The following PRRG2 variants were observed in gnomAD, a reference collection of about 807,000 sequenced individuals.
PRRG2 encodes the protein proline rich and Gla domain 2.
In PRRG2, 23 loss-of-function variants were observed where a neutral mutation model predicts 27.1. The observed-to-expected ratio is 0.85, with a 90% CI of 0.61 to 1.20. The LOEUF (loss-of-function observed/expected upper bound fraction) is 1.20. Ranked by LOEUF, PRRG2 falls within the 50% of genes most tolerant of loss-of-function variation. PRRG2 has a pLI of 0.00. For synonymous variants in PRRG2, 104 were observed against 103.4 expected (o/e 1.01, Z -0.03); for missense variants, 276 against 254.8 (o/e 1.08, Z -0.57).
intron 2 of PRRG2, 30 bp downstream of exon 2, chr19:49,583,334 C>T: frequency 6.2e-7 from 1 of 1,607,462 alleles, no homozygotes; most frequent in East Asian, 2.2e-5. Flanking sequence ...GGCATCCAGA[C>T]ACTTGGCGTT....
chr19:49,586,089 A>AG (rs2080667127), intron 4 of PRRG2, among the ~76,000 whole-genome samples: 1 of 151,182 alleles, frequency 6.6e-6, no homozygotes, highest in African/African-American at 2.4e-5. Flanking sequence ...AAAAAAAAAA[A>AG]AAAAAAAACA....
Position 49,588,567 on chromosome 19 carries a change from C to G in PRRG2, c.372C>G (p.Ala124=). 1 of 1,561,382 alleles carries G rather than the reference C, an allele frequency of 6.4e-7. No homozygotes were observed. The highest frequency in any genetic ancestry group is 1.2e-5 in the South Asian group (1 of 84,704). Reference sequence around the variant, plus strand: ...GTGGCATCCTGCTCATTGTCCTGGCCGGCCTGGGAGCCTTTTGGTATCTGC... The same window carrying G: ...GTGGCATCCTGCTCATTGTCCTGGCGGGCCTGGGAGCCTTTTGGTATCTGC... The part of the protein sequence containing the change: ...LTGGILLIVL[A]GLGAFWYLRW... The change falls in exon 5 of 7, where the codon GCC becomes GCG. Residue 124 remains alanine (A), a synonymous_variant. Coordinates refer to ENST00000246794, the MANE Select transcript of PRRG2 (RefSeq NM_000951.3).
chr19:49,582,209 CCAGCCTGGGTGA>C (rs1368016558), intron 1 of PRRG2, among the ~76,000 whole-genome samples: 1 of 142,726 alleles, frequency 7.0e-6, no homozygotes, highest in East Asian at 2.1e-4. Flanking sequence ...CCACTGCACT[CCAGCCTGGGTGA>C]CAGAGCGAGA....
chr19:49,586,768 T>C (rs1209681075), intron 4 of PRRG2, among the ~76,000 whole-genome samples: 1 of 152,048 alleles, frequency 6.6e-6, no homozygotes, highest in African/African-American at 2.4e-5. Context: ...GGAGAATTGC[T>C]TGAACCTGGG....
intron 6 of PRRG2, 51 bp downstream of exon 6, chr19:49,590,103 T>C (rs2080706237): frequency 1.4e-6 from 2 of 1,443,202 alleles, no homozygotes; most frequent in African/African-American, 1.4e-5. Flanking sequence ...GGTGGGCACG[T>C]TGGAGGAGGA....
intron 6 of PRRG2, 71 bp downstream of exon 6, chr19:49,590,123 CA>C: frequency 7.0e-7 from 1 of 1,423,510 alleles, no homozygotes; most frequent in South Asian, 1.4e-5. Flanking sequence ...AACCTGGGCT[CA>C]GGGGCGGGAC....
Position 49,581,378 on chromosome 19 carries a change from T to G in PRRG2, c.-117T>G, listed in dbSNP as rs1195423083. ...GTTACCGGGAGTGGGGCGCCCCTCC[T>G]CCTTATCCCCTCCCCTCTTCCCTGT... On this transcript the variant is annotated 5_prime_UTR_variant, in exon 1 of 7. Transcript: ENST00000246794. 6.6e-6 allele frequency: 1 copy of G among 152,226 alleles called. No individual in the cohort carries two copies. The highest frequency in any genetic ancestry group is 6.6e-5 in the Admixed American group (1 of 15,266). 9.4% of individuals were successfully genotyped at this position (152,226 alleles called of 1,614,324 possible).
chr19:49,585,861 C>T (rs1361858796), intron 4 of PRRG2, among the ~76,000 whole-genome samples: 2 of 151,930 alleles, frequency 1.3e-5, no homozygotes, highest in African/African-American at 2.4e-5. Context: ...AAGCAGATCA[C>T]CTGAGTTCAG....
intron 5 of PRRG2, 30 bp downstream of exon 5, chr19:49,588,662 TG>T: frequency 2.0e-6 from 3 of 1,511,168 alleles, no homozygotes; most frequent in Non-Finnish European, 2.6e-6. Context: ...GAGGGGGTGG[TG>T]GTGGAGAGCA....
intron 4 of PRRG2, among the ~76,000 whole-genome samples, chr19:49,584,187 T>C (rs1225314831): frequency 6.6e-6 from 1 of 151,604 alleles, no homozygotes; most frequent in Non-Finnish European, 1.5e-5. Context: ...TTTTTTTTTT[T>C]TGAGACAGAG....
chr19:49,584,219 G>A (rs890586550), intron 4 of PRRG2, among the ~76,000 whole-genome samples: 6 of 149,662 alleles, frequency 4.0e-5, no homozygotes, highest in East Asian at 2.0e-4. Context: ...TGCCCAGGCC[G>A]GAGTGCAATG....
At chr19:49,589,858 C>T (rs369690473) in intron 5 of PRRG2, 42 bp from the exon 6 acceptor site, 6 of 1,604,680 alleles carry the variant, frequency 3.7e-6, no homozygotes, top group Non-Finnish European at 5.1e-6. Context: ...GTCTAGGTAT[C>T]CTGTAAGTTG....
At chr19:49,587,782 G>A (rs934768049) in intron 4 of PRRG2, among the ~76,000 whole-genome samples, 2 of 151,658 alleles carry the variant, frequency 1.3e-5, no homozygotes, top group African/African-American at 2.4e-5. Flanking sequence ...ACCGCGCCTG[G>A]CTAATTTTGT....
At chr19:49,588,688 C>CA in intron 5 of PRRG2, 56 bp downstream of exon 5, 1 of 1,490,864 alleles carries the variant, frequency 6.7e-7, no homozygotes, top group South Asian at 1.3e-5. Flanking sequence ...AGGGAGGAAG[C>CA]ATTGACCTAA....
chr19:49,588,779 G>C lies in PRRG2; in HGVS notation c.437+147G>C, dbSNP rs941920148. ...AGTCATTTGGAGAGTGAGTCTGTGA[G>C]CTGGCTTGTGTCTGGTTTTGGCGAC... On this transcript the variant is annotated intron_variant, in intron 5 of 6. Coordinates refer to ENST00000246794, the MANE Select transcript of PRRG2 (RefSeq NM_000951.3). 3.5e-6 allele frequency: 4 copies of C among 1,131,316 alleles called. No individual in the cohort carries two copies. In the African/African-American group the frequency reaches 6.4e-5, roughly 18 times the overall value. The allele number at this position is 1,131,316 out of a possible 1,614,324, so 70.1% of individuals were successfully genotyped here. A position where few individuals can be genotyped will look rare whatever the true frequency, so the allele number is the denominator to read the frequency against.
chr19:49,590,391 G>C lies in PRRG2; in HGVS notation c.*2G>C, dbSNP rs2080711523. The C allele has an allele frequency of 1.9e-6, 3 of 1,614,116 alleles. No individual in the cohort carries two copies. In the East Asian group the frequency reaches 6.7e-5, roughly 36 times the overall value. On this transcript the variant is annotated 3_prime_UTR_variant, in exon 7 of 7. Transcript: ENST00000246794. ...TGCAGCCTCAGGAGGCCTCACTGAA[G>C]AGCTGCTTTCGAGACCCGGCTCTCC...
chr19:49,583,918 CT>C lies in PRRG2; in HGVS notation c.271del (p.Trp91GlyfsTer24), dbSNP rs753903025. The C allele has an allele frequency of 1.2e-6, 2 of 1,613,976 alleles. No individual in the cohort carries two copies. Among genetic ancestry groups the C allele is most frequent in the African/African-American group, 2.7e-5 (2 of 75,014 alleles). ...YFEDNTLTER[F>X]WESYIYNGKG... The stretch of plus-strand genomic sequence containing the variant: ...TCCACTCCTTCCCCCTCAAGGAGCG[CT>C]TTTGGGAGAGCTACATCTACAATGG... On this transcript the variant is annotated frameshift_variant, in exon 4 of 7. Coordinates refer to ENST00000246794, the MANE Select transcript of PRRG2 (RefSeq NM_000951.3). LOFTEE classifies it high-confidence loss of function.
At chr19:49,583,093 T>C (rs1458986190) in intron 1 of PRRG2, 114 bp from the exon 2 acceptor site, 5 of 752,164 alleles carry the variant, frequency 6.6e-6, no homozygotes, top group African/African-American at 1.7e-5. Flanking sequence ...GAATACAGGC[T>C]GTGTAAGTGG....
chr19:49,588,261 C>T (rs2080687216), intron 4 of PRRG2, among the ~76,000 whole-genome samples: 1 of 152,214 alleles, frequency 6.6e-6, no homozygotes. Flanking sequence ...CTACATCCAG[C>T]CTAATCTCAT....
Sources: allele counts gnomAD v4.1 joint callset (sites outside exome capture counted in the v4.1 genomes callset), GRCh38; gene constraint gnomAD v4.1.1; transcripts MANE v1.5; gene names NCBI Gene and HGNC (gene_info 2026-07-23, HGNC 2026-07-21).